The following ASDURF variants were observed in gnomAD, a reference collection of about 807,000 sequenced individuals.
ASDURF encodes the protein ASDURF protein.
A neutral mutation model predicts 3.3 loss-of-function variants in ASDURF; 3 were observed. The observed-to-expected ratio is 0.92, with a 90% CI of 0.42 to 2.37. The LOEUF is 2.37. Among genes scored for constraint, ASDURF ranks in the 30% most tolerant of loss-of-function variants. The pLI is 0.05. For synonymous variants in ASDURF, 11 were observed against 8.3 expected (o/e 1.32, Z -0.55); for missense variants, 23 against 25.4 (o/e 0.90, Z 0.21).
In ASDURF at chr2:189,666,116, C is replaced by T. The variant is rs376511376; in HGVS notation, c.*5C>T. The T allele has an allele frequency of 6.6e-7, 1 of 1,505,572 alleles. No individual in the cohort carries two copies. The highest frequency in any genetic ancestry group is 8.8e-7 in the Non-Finnish European group (1 of 1,130,498). The allele number at this position is 1,505,572 out of a possible 1,614,324, so 93.3% of individuals were successfully genotyped here. ...AAGACCAAAATCAAGAAATAGTCAA[C>T]CTGATTTCACATAACAATGTGTGGC... is the stretch of plus-strand genomic sequence containing the variant. On this transcript the variant is annotated 3_prime_UTR_variant, in exon 4 of 4. Transcript: ENST00000607829.
Position 189,666,323 on chromosome 2 carries a change from C to G in ASDURF, c.*212C>G. ...TTGAGGGGTGTTTTGACTACCCAGC[C>G]TGTGGAAGATGAAAGAGGCAATGTG... On this transcript the variant is annotated 3_prime_UTR_variant, in exon 4 of 4. Transcript: ENST00000607829. 6.2e-7 allele frequency: 1 copy of G among 1,613,856 alleles called. No homozygotes were observed. The highest frequency in any genetic ancestry group is 1.1e-5 in the South Asian group (1 of 91,020).
chr2:189,662,982 A>T (rs2032703180), intron 1 of ASDURF, among the ~76,000 whole-genome samples: 1 of 150,422 alleles, frequency 6.6e-6, no homozygotes, highest in Non-Finnish European at 1.5e-5. Context: ...CCAGTTCAAC[A>T]GTGCCAGCTC....
At chr2:189,662,087 T>C (rs2032679123) in intron 1 of ASDURF, among the ~76,000 whole-genome samples, 1 of 152,206 alleles carries the variant, frequency 6.6e-6, no homozygotes, top group East Asian at 1.9e-4. Context: ...TCATCTGCTA[T>C]CGGGACCCCT....
chr2:189,666,012 T>G (rs1304747411), intron 3 of ASDURF, 29 bp from the exon 4 acceptor site: 8 of 1,132,028 alleles, frequency 7.1e-6, no homozygotes, highest in Non-Finnish European at 9.7e-6. Flanking sequence ...TTTATGTTAT[T>G]TAATATTTAT....
Position 189,666,249 on chromosome 2 carries a change from A to G in ASDURF, c.*138A>G. The G allele has an allele frequency of 6.2e-7, 1 of 1,614,150 alleles. No homozygotes were observed. The highest frequency in any genetic ancestry group is 8.5e-7 in the Non-Finnish European group (1 of 1,179,992). On this transcript the variant is annotated 3_prime_UTR_variant, in exon 4 of 4. Transcript: ENST00000607829. ...GACCCAATAGTAGTAAACAATTGTT[A>G]AAGTCTGATGTTAACTACCAGTGTT... is the stretch of plus-strand genomic sequence containing the variant.
intron 1 of ASDURF, among the ~76,000 whole-genome samples, chr2:189,663,336 C>A (rs1212243058): frequency 6.6e-6 from 1 of 152,080 alleles, no homozygotes; most frequent in Non-Finnish European, 1.5e-5. Context: ...TCACTGCAGC[C>A]TCCGCCTCCC....
At position 189,665,390 on chromosome 2, in the gene ASDURF, A is replaced by G. The variant is rs13024656; in HGVS notation, c.159A>G (p.Gln53=). Residue 53 remains glutamine, a synonymous_variant, in exon 3 of 4, where the codon CAA becomes CAG. Coordinates refer to ENST00000607829, the MANE Select transcript of ASDURF (RefSeq NM_001353493.2). ...NLKKNRKVYR[Q]QQNSNIFFLA... is the part of the protein sequence containing the mutation. ...ATGTTTTCCAGAAAGTATATAGGCA[A>G]CAACAGAACAGCAATATATTCTTTC... 1 of 397,676 alleles carries G rather than the reference A, an allele frequency of 2.5e-6. No individual in the cohort carries two copies. The highest frequency in any genetic ancestry group is 4.4e-6 in the Non-Finnish European group (1 of 225,428). 24.6% of individuals were successfully genotyped at this position (397,676 alleles called of 1,614,324 possible).
At chr2:189,665,583 G>A (rs1367138954) in intron 3 of ASDURF, 132 bp downstream of exon 3, 8 of 154,982 alleles carry the variant, frequency 5.2e-5, no homozygotes, top group South Asian at 2.4e-4. Context: ...TGAGTCAACA[G>A]TTATATATAT....
chr2:189,666,078 A>G lies in ASDURF; in HGVS notation c.258A>G (p.Ile86Met). Residue 86 changes from isoleucine (I) to methionine (M), a missense_variant, in exon 4 of 4, where the codon ATA becomes ATG. Ile to Met is a conservative substitution (Grantham distance 10). Transcript: ENST00000607829. Reference sequence around the variant, plus strand: ...AACTGAAAAAAGAATACCAAGAAATAGAAAACTTAGACAAGACCAAAATCA... The same window carrying G: ...AACTGAAAAAAGAATACCAAGAAATGGAAAACTTAGACAAGACCAAAATCA... ...LDELKKEYQE[I>M]ENLDKTKIKK The G allele has an allele frequency of 6.8e-7, 1 of 1,468,974 alleles. No individual in the cohort carries two copies. Among genetic ancestry groups the G allele is most frequent in the Middle Eastern group, 1.9e-4 (1 of 5,246 alleles). 91.0% of individuals were successfully genotyped at this position (1,468,974 alleles called of 1,614,324 possible).
intron 1 of ASDURF, among the ~76,000 whole-genome samples, chr2:189,663,573 T>G (rs955500237): frequency 6.6e-6 from 1 of 152,240 alleles, no homozygotes. Flanking sequence ...CATATATTTT[T>G]AACAAAAGGT....
At chr2:189,664,143 C>CT (rs1254313303) in intron 2 of ASDURF, among the ~76,000 whole-genome samples, 189 bp downstream of exon 2, 2 of 152,162 alleles carry the variant, frequency 1.3e-5, no homozygotes, top group Admixed American at 1.3e-4. Flanking sequence ...CTGAAGATGT[C>CT]TTTTTTCTAT....
At chr2:189,662,835 G>A (rs1310853129) in intron 1 of ASDURF, among the ~76,000 whole-genome samples, 1 of 151,592 alleles carries the variant, frequency 6.6e-6, no homozygotes, top group African/African-American at 2.4e-5. Flanking sequence ...TGTAGTCCCA[G>A]CTACTCGGAG....
chr2:189,663,991 G>T (rs2032731165), intron 2 of ASDURF, 37 bp downstream of exon 2: 2 of 381,508 alleles, frequency 5.2e-6, no homozygotes, highest in East Asian at 7.3e-5. Flanking sequence ...ATATGTGGGA[G>T]GTTTATTTAT....
chr2:189,662,541 G>A (rs543538344), intron 1 of ASDURF, among the ~76,000 whole-genome samples: 1 of 152,256 alleles, frequency 6.6e-6, no homozygotes, highest in East Asian at 1.9e-4. Flanking sequence ...GGGGGAGACA[G>A]AAAGGTGCAC....
intron 2 of ASDURF, 113 bp downstream of exon 2, chr2:189,664,067 A>G: frequency 3.0e-6 from 1 of 335,720 alleles, no homozygotes; most frequent in African/African-American, 2.1e-5. Context: ...TAAAATGTAT[A>G]GTATTTCAGC....
intron 1 of ASDURF, 25 bp downstream of exon 1, chr2:189,661,635 G>C: frequency 5.0e-6 from 2 of 399,454 alleles, no homozygotes; most frequent in Non-Finnish European, 8.8e-6. Context: ...CGACGAAAAG[G>C]CTCCTGGACT....
intron 1 of ASDURF, among the ~76,000 whole-genome samples, chr2:189,662,869 G>A (rs982395539): frequency 1.3e-5 from 2 of 149,504 alleles, no homozygotes; most frequent in African/African-American, 5.0e-5. Context: ...AATCGCCTGA[G>A]CCCGGGAAGA....
rs1349215521 is a variant in ASDURF, at chr2:189,666,268, C to G, written c.*157C>G. 1 of 1,614,074 alleles carries G rather than the reference C, an allele frequency of 6.2e-7. No homozygotes were observed. Among genetic ancestry groups the G allele is most frequent in the South Asian group, 1.1e-5 (1 of 91,068 alleles). Reference sequence around the variant, plus strand: ...ATTGTTAAAGTCTGATGTTAACTACCAGTGTTTATTTTCTGCTCACGTCCT... The same window carrying G: ...ATTGTTAAAGTCTGATGTTAACTACGAGTGTTTATTTTCTGCTCACGTCCT... On this transcript the variant is annotated 3_prime_UTR_variant, in exon 4 of 4. Coordinates refer to ENST00000607829, the MANE Select transcript of ASDURF (RefSeq NM_001353493.2).
Position 189,665,407 on chromosome 2 carries a change from T to C in ASDURF, c.176T>C (p.Ile59Thr), listed in dbSNP as rs1235220386. 1.3e-5 allele frequency: 5 copies of C among 397,692 alleles called. No individual in the cohort carries two copies. The highest frequency in any genetic ancestry group is 4.1e-5 in the African/African-American group (2 of 48,442). 24.6% of individuals were successfully genotyped at this position (397,692 alleles called of 1,614,324 possible). ...KVYRQQQNSN[I>T]FFLADRTEML... The stretch of plus-strand genomic sequence containing the variant: ...TATAGGCAACAACAGAACAGCAATA[T>C]ATTCTTTCTTGCAGACCGAACAGAA... Residue 59 changes from isoleucine (I) to threonine (T), a missense_variant, in exon 3 of 4, where the codon ATA (isoleucine) becomes ACA (threonine). By Grantham distance (89) the Ile-to-Thr change is moderately conservative. Coordinates refer to ENST00000607829, the MANE Select transcript of ASDURF (RefSeq NM_001353493.2).
Sources: gnomAD v4.1 joint callset for allele counts (sites outside exome capture counted in the v4.1 genomes callset) on GRCh38, gnomAD v4.1.1 for gene constraint, MANE v1.5 for transcripts, NCBI Gene and HGNC (gene_info 2026-07-23, HGNC 2026-07-21) for gene names.